The following UBE3B variants were observed in gnomAD, a reference collection of about 807,000 sequenced individuals.
UBE3B encodes ubiquitin protein ligase E3B, also known as ubiquitin-protein ligase E3B.
Under a neutral mutation model 132.3 loss-of-function variants are expected in UBE3B, and 80 were observed. The observed-to-expected ratio is 0.60, with a 90% CI of 0.50 to 0.73. The LOEUF is 0.73. Among genes scored for constraint, UBE3B ranks in the 30% least tolerant of loss-of-function variants. The pLI, the probability that UBE3B is intolerant of heterozygous loss-of-function variation, is 0.00. For synonymous variants in UBE3B, 487 were observed against 520.4 expected, an observed-to-expected ratio of 0.94 and a Z score of 0.87; for missense variants, 1,196 against 1,362.5, an observed-to-expected ratio of 0.88 and a Z score of 1.92.
chr12:109,522,904 C>A lies in UBE3B; in HGVS notation c.2365-1074C>A, dbSNP rs1339459555. On this transcript the variant is annotated intron_variant, in intron 21 of 27. Transcript: ENST00000342494. This position sits in a 1 kb window ranked among gnomAD's most constrained non-coding sequence, Gnocchi z 4.2. ...AAAAGTTAAAAATCCCATTAGGACC[C>A]ACCCGAGCACATGGCATATGTTTTC... Among the ~76,000 whole-genome samples the A allele has an allele frequency of 1.3e-5, 2 of 152,186 alleles. No individual in the cohort carries two copies. The highest frequency in any genetic ancestry group is 2.9e-5 in the Non-Finnish European group (2 of 68,036).
chr12:109,489,907 T>C lies in UBE3B; in HGVS notation c.545-12T>C, dbSNP rs745509722. 1.1e-5 allele frequency: 17 copies of C among 1,613,658 alleles called. No homozygotes were observed. In the South Asian group the frequency reaches 1.5e-4, roughly 15 times the overall value. On this transcript the variant is annotated splice_polypyrimidine_tract_variant and intron_variant, in intron 7 of 27. Coordinates refer to ENST00000342494, the MANE Select transcript of UBE3B (RefSeq NM_130466.4). ...AAGAGACTTTTTTGTTCTCACTGTT[T>C]TCTTTCTTTAGGTGAAAGTCTTCGA...
At position 109,533,453 on chromosome 12, in the gene UBE3B, C is replaced by T. The variant is rs143901217; in HGVS notation, c.2923-13C>T. The T allele has an allele frequency of 2.1e-4, 333 of 1,613,510 alleles. 1 individual carries two copies. In the African/African-American group the frequency reaches 3.8e-3, roughly 19 times the overall value. On this transcript the variant is annotated splice_polypyrimidine_tract_variant and intron_variant, in intron 26 of 27. Coordinates refer to ENST00000342494, the MANE Select transcript of UBE3B (RefSeq NM_130466.4). ...GCCTGCCCCGTCCCCACTGACCCTG[C>T]TTTGTGTTGCAGTTCGTGACCAGCT...
chr12:109,483,491 A>G (rs1303244478), intron 2 of UBE3B, 40 bp from the exon 3 acceptor site: 1 of 1,503,090 alleles, frequency 6.7e-7, no homozygotes, highest in Non-Finnish European at 8.9e-7. Flanking sequence ...TGTTTTTCAC[A>G]CAACAATCTA....
chr12:109,539,822 G>C (rs559171754), downstream of UBE3B, among the ~76,000 whole-genome samples: 203 of 152,218 alleles, frequency 1.3e-3, no homozygotes, highest in African/African-American at 4.8e-3. Flanking sequence ...CCACACCCCA[G>C]CTATTCCCGA....
In UBE3B at chr12:109,524,116, G is replaced by T; in HGVS notation, c.2502+1G>T. 1 of 1,614,094 alleles carries T rather than the reference G, an allele frequency of 6.2e-7. No individual in the cohort carries two copies. The highest frequency in any genetic ancestry group is 8.5e-7 in the Non-Finnish European group (1 of 1,180,022). On this transcript the variant is annotated splice_donor_variant, in intron 22 of 27. Coordinates refer to ENST00000342494, the MANE Select transcript of UBE3B (RefSeq NM_130466.4). LOFTEE classifies it high-confidence loss of function. ...CTATAAAAACCTCACCTCCATCAAGGTGAGCATGGAATGGTGGGTGAGCTA... is the reference window on the plus strand; with the variant it reads ...CTATAAAAACCTCACCTCCATCAAGTTGAGCATGGAATGGTGGGTGAGCTA...
chr12:109,498,142 AAC>A, intron 10 of UBE3B, 89 bp from the exon 11 acceptor site: 1 of 1,552,198 alleles, frequency 6.4e-7, no homozygotes, highest in Non-Finnish European at 8.8e-7. Flanking sequence ...CATCCTCCAT[AAC>A]CACGGGTGAT....
chr12:109,515,522 A>G (rs1880929557), intron 18 of UBE3B, among the ~76,000 whole-genome samples: 1 of 152,116 alleles, frequency 6.6e-6, no homozygotes, highest in Non-Finnish European at 1.5e-5. Flanking sequence ...GGCATGTGCC[A>G]CCACGCCCAG....
chr12:109,483,746 C>G (rs1875889502), intron 3 of UBE3B, 34 bp downstream of exon 3: 4 of 1,574,808 alleles, frequency 2.5e-6, no homozygotes, highest in Non-Finnish European at 2.6e-6. Context: ...ACATGATTCT[C>G]TGGCTCCCAA....
At chr12:109,493,463 A>G (rs969198373) in intron 9 of UBE3B, among the ~76,000 whole-genome samples, 1 of 152,178 alleles carries the variant, frequency 6.6e-6, no homozygotes, top group Non-Finnish European at 1.5e-5. Context: ...CAGTCATTCT[A>G]CCACACTTAA....
At chr12:109,524,947 C>A (rs887726561) in intron 23 of UBE3B, among the ~76,000 whole-genome samples, 3 of 152,030 alleles carry the variant, frequency 2.0e-5, no homozygotes, top group Non-Finnish European at 4.4e-5. Flanking sequence ...CAGCACGTCT[C>A]CTCCCACGGT....
rs755988562 is a variant in UBE3B, at chr12:109,528,462, A to G, written c.2628-1428A>G. On this transcript the variant is annotated intron_variant, in intron 24 of 27. Transcript: ENST00000342494. ...TTTAAATAGGGATATTTTTGAGATT[A>G]CTAAAGCTTTAGCATTGTAAAACAT... 110 of 985,200 alleles carry G rather than the reference A, an allele frequency of 1.1e-4. 1 individual carries two copies. The highest frequency in any genetic ancestry group is 1.3e-4 in the Non-Finnish European group (109 of 829,846). The allele number at this position is 985,200 out of a possible 1,614,324, so 61.0% of individuals were successfully genotyped here. A position where few individuals can be genotyped will look rare whatever the true frequency, so the allele number is the denominator to read the frequency against.
At chr12:109,482,092 G>C (rs561716194) in intron 2 of UBE3B, among the ~76,000 whole-genome samples, 3 of 152,096 alleles carry the variant, frequency 2.0e-5, no homozygotes, top group Non-Finnish European at 4.4e-5. Context: ...ACTAATAATA[G>C]AGCACACTTA....
At chr12:109,499,862 CT>C in intron 12 of UBE3B, 52 bp downstream of exon 12, 1 of 1,430,596 alleles carries the variant, frequency 7.0e-7, no homozygotes, top group Non-Finnish European at 9.3e-7. Flanking sequence ...CCACCATCTT[CT>C]TCTTCCTTCT....
At chr12:109,547,010 G>A in the UBE3B span, among the ~76,000 whole-genome samples, 28 of 152,116 alleles carry the variant, frequency 1.8e-4, no homozygotes, top group Non-Finnish European at 3.8e-4. This position sits in a 1 kb window ranked among gnomAD's most constrained non-coding sequence, Gnocchi z 4.1. Flanking sequence ...ACACCCAGCC[G>A]GATTCAGAGT....
chr12:109,530,129 C>T (rs936866841), intron 25 of UBE3B, 57 bp downstream of exon 25: 7 of 1,597,266 alleles, frequency 4.4e-6, no homozygotes, highest in African/African-American at 4.0e-5. Context: ...AAGCCAGCTG[C>T]TCCCTCGCTG....
rs529998058 is a variant in UBE3B at position 109,522,812 on chromosome 12, C to G, written c.2365-1166C>G. On this transcript the variant is annotated intron_variant, in intron 21 of 27. Coordinates refer to ENST00000342494, the MANE Select transcript of UBE3B (RefSeq NM_130466.4). The surrounding 1 kb of genome is among the most constrained non-coding windows in gnomAD (Gnocchi z 4.2). The stretch of plus-strand genomic sequence containing the variant: ...GCCCTCCAGTGATTTGGGTCCTGGG[C>G]CCATTCTCTGTGCCTCTGTTTCCTC... 6.6e-6 allele frequency among the ~76,000 whole-genome samples: 1 copy of G among 152,208 alleles called. No homozygotes were observed. The highest frequency in any genetic ancestry group is 6.5e-5 in the Admixed American group (1 of 15,286).
Position 109,534,847 on chromosome 12 carries a change from T to C in UBE3B, c.*65T>C. The C allele has an allele frequency of 2.2e-6, 3 of 1,372,016 alleles. No homozygotes were observed. The South Asian group carries it at 4.3e-5, about 20-fold the overall frequency. The allele number at this position is 1,372,016 out of a possible 1,614,324, so 85.0% of individuals were successfully genotyped here. A position where few individuals can be genotyped will look rare whatever the true frequency, so the allele number is the denominator to read the frequency against. Reference sequence around the variant, plus strand: ...AGGGACCTTCAGCTCCCAGAGGCAGTGTGGTCCTGGGAATGTGACCAACAT... The same window carrying C: ...AGGGACCTTCAGCTCCCAGAGGCAGCGTGGTCCTGGGAATGTGACCAACAT... On this transcript the variant is annotated 3_prime_UTR_variant, in exon 28 of 28. Transcript: ENST00000342494. The surrounding 1 kb of genome is among the most constrained non-coding windows in gnomAD (Gnocchi z 5.2).
In UBE3B at chr12:109,509,684, G is replaced by T. The variant is rs373624920; in HGVS notation, c.1711G>T (p.Val571Leu). The T allele has an allele frequency of 6.2e-7, 1 of 1,609,784 alleles. No homozygotes were observed. The highest frequency in any genetic ancestry group is 1.7e-5 in the Admixed American group (1 of 58,718). Reference sequence around the variant, plus strand: ...TATCTCCTCTTTCCTGAATTCTTTTGTGTTTAAGATGATCTGGGATGGAAT... The same window carrying T: ...TATCTCCTCTTTCCTGAATTCTTTTTTGTTTAAGATGATCTGGGATGGAAT... ...VTISSFLNSF[V>L]FKMIWDGIVE... Residue 571 changes from valine (V) to leucine (L), a missense_variant, in exon 16 of 28, where the codon GTG becomes TTG. Transcript: ENST00000342494.
intron 14 of UBE3B, among the ~76,000 whole-genome samples, chr12:109,504,753 G>T (rs1000251753): frequency 1.3e-5 from 2 of 151,916 alleles, no homozygotes; most frequent in Non-Finnish European, 2.9e-5. Context: ...AGCGCCTGAG[G>T]GTTTGAGCAG....
Sources: gnomAD v4.1 joint callset for allele counts (sites outside exome capture counted in the v4.1 genomes callset) on GRCh38, gnomAD v4.1.1 for gene constraint, Gnocchi (gnomAD v3.1) non-coding constraint, MANE v1.5 for transcripts, NCBI Gene and HGNC (gene_info 2026-07-23, HGNC 2026-07-21) for gene names.